Variants in ACTN4 observed in about 807,000 individuals in gnomAD.
The protein encoded by ACTN4 is actinin alpha 4.
In ACTN4, 18 loss-of-function variants were observed where a neutral mutation model predicts 114.2. The observed-to-expected ratio is 0.16, with a 90% CI of 0.11 to 0.23. ACTN4 has a LOEUF of 0.23. Among genes scored for constraint, ACTN4 ranks in the 10% least tolerant of loss-of-function variants. ACTN4 has a pLI of 1.00. For missense variants in ACTN4, 722 were observed against 1,262.9 expected (o/e 0.57, Z 6.49); for synonymous variants, 515 against 506.3 (o/e 1.02, Z -0.23).
intron 1 of ACTN4, among the ~76,000 whole-genome samples, chr19:38,679,387 A>G (rs1382653198): frequency 6.6e-6 from 1 of 151,696 alleles, no homozygotes; most frequent in African/African-American, 2.4e-5. Flanking sequence ...ACTCCCCTCA[A>G]CCTCTGCAAT....
intron 1 of ACTN4, among the ~76,000 whole-genome samples, chr19:38,664,185 C>G (rs1451262660): frequency 6.6e-6 from 1 of 152,208 alleles, no homozygotes; most frequent in Non-Finnish European, 1.5e-5. Flanking sequence ...TCCTGCCTGC[C>G]AAGCTACGCT....
chr19:38,667,653 T>C (rs376743279), intron 1 of ACTN4, among the ~76,000 whole-genome samples: 2 of 150,766 alleles, frequency 1.3e-5, no homozygotes, highest in East Asian at 3.9e-4. Context: ...CCCATTGTTA[T>C]GAAGTGTGGA....
intron 3 of ACTN4, 60 bp downstream of exon 3, chr19:38,701,181 CACA>C (rs1347235420): frequency 1.2e-6 from 2 of 1,609,394 alleles, no homozygotes; most frequent in African/African-American, 1.3e-5. Context: ...GGCTCTGAAG[CACA>C]ACATCTGCAT....
Position 38,718,485 on chromosome 19 carries a change from G to A in ACTN4, c.1291+411G>A, listed in dbSNP as rs567051533. Among the ~76,000 whole-genome samples the A allele has an allele frequency of 1.1e-4, 17 of 152,160 alleles. No homozygotes were observed. In the East Asian group the frequency reaches 2.7e-3, roughly 24 times the overall value. On this transcript the variant is annotated intron_variant, in intron 11 of 20. Coordinates refer to ENST00000252699, the MANE Select transcript of ACTN4 (RefSeq NM_004924.6). ...AGGGAGGTCAAGGCTGCAGTGAGCC[G>A]TGATTGTACCACTGCACTCCAGCCT...
intron 12 of ACTN4, among the ~76,000 whole-genome samples, chr19:38,723,051 C>T (rs1043379957): frequency 6.6e-6 from 1 of 152,200 alleles, no homozygotes; most frequent in African/African-American, 2.4e-5. Flanking sequence ...TTTATGTGTA[C>T]CAGCTCATTT....
intron 1 of ACTN4, among the ~76,000 whole-genome samples, chr19:38,682,255 G>T (rs1967600507): frequency 6.6e-6 from 1 of 152,160 alleles, no homozygotes; most frequent in Non-Finnish European, 1.5e-5. Context: ...GCCCAGGCTG[G>T]TCTCAAACTT....
chr19:38,728,351 G>T (rs1342282164), intron 19 of ACTN4: 1 of 1,439,846 alleles, frequency 6.9e-7, no homozygotes, highest in Non-Finnish European at 9.3e-7. Flanking sequence ...ATGACTTCAG[G>T]GCTCTGCTTA....
chr19:38,695,369 C>G (rs1443252919), intron 1 of ACTN4, among the ~76,000 whole-genome samples: 3 of 152,128 alleles, frequency 2.0e-5, no homozygotes, highest in Non-Finnish European at 4.4e-5. Context: ...CAGGAGAGCT[C>G]GATGCTTTTT....
chr19:38,728,748 G>A (rs1048787935), intron 19 of ACTN4, among the ~76,000 whole-genome samples: 1 of 152,226 alleles, frequency 6.6e-6, no homozygotes, highest in African/African-American at 2.4e-5. Context: ...GACCACGAGA[G>A]GGGAGGGTGC....
intron 1 of ACTN4, among the ~76,000 whole-genome samples, chr19:38,680,222 T>TG (rs1967517415): frequency 4.0e-5 from 1 of 24,726 alleles, no homozygotes; most frequent in Non-Finnish European, 2.0e-4. Flanking sequence ...GTTTTTTTTT[T>TG]TTTTTTTTTT....
chr19:38,675,638 A>G (rs1306188245), intron 1 of ACTN4, among the ~76,000 whole-genome samples: 2 of 152,208 alleles, frequency 1.3e-5, no homozygotes, highest in African/African-American at 4.8e-5. Context: ...GCCTCCACCT[A>G]TCAGGCTCAA....
At chr19:38,648,035 G>A (rs1976440389) in intron 1 of ACTN4, 128 bp downstream of exon 1, 2 of 1,186,168 alleles carry the variant, frequency 1.7e-6, no homozygotes, top group Non-Finnish European at 2.2e-6. Flanking sequence ...AGGAATTGGC[G>A]GGTCCGGGAA....
intron 12 of ACTN4, among the ~76,000 whole-genome samples, chr19:38,723,395 C>T (rs1969112921): frequency 6.6e-6 from 1 of 152,188 alleles, no homozygotes; most frequent in African/African-American, 2.4e-5. Context: ...TGGTTATCAC[C>T]TGTTAACCAG....
intron 8 of ACTN4, 47 bp from the exon 9 acceptor site, chr19:38,714,422 G>A: frequency 1.9e-6 from 3 of 1,580,962 alleles, no homozygotes; most frequent in South Asian, 2.2e-5. Context: ...CGTCAGGAGG[G>A]AGGGTGGCCA....
chr19:38,653,808 T>C (rs1294169410), intron 1 of ACTN4, among the ~76,000 whole-genome samples: 1 of 152,224 alleles, frequency 6.6e-6, no homozygotes, highest in Non-Finnish European at 1.5e-5. Context: ...AGGCAAGTGA[T>C]AGCAAGTGGG....
rs771091576 is a variant in ACTN4, at chr19:38,725,766, G to A, written c.2053G>A (p.Asp685Asn). Residue 685 changes from aspartate to asparagine, a missense_variant, in exon 17 of 21, where the codon GAC (aspartate) becomes AAC (asparagine). Physicochemically the swap from Asp to Asn is conservative, Grantham distance 23 (BLOSUM62 1). Coordinates refer to ENST00000252699, the MANE Select transcript of ACTN4 (RefSeq NM_004924.6). ...CATTGAGATGAACGGGACCCTGGAG[G>A]ACCAGCTGAGCCACCTGAAGCAGTA... ...ISIEMNGTLE[D>N]QLSHLKQYER... 1 of 1,614,134 alleles carries A rather than the reference G, an allele frequency of 6.2e-7. No homozygotes were observed. Among genetic ancestry groups the A allele is most frequent in the South Asian group, 1.1e-5 (1 of 91,088 alleles).
intron 1 of ACTN4, among the ~76,000 whole-genome samples, chr19:38,690,578 G>C (rs1265708522): frequency 6.6e-6 from 1 of 152,182 alleles, no homozygotes; most frequent in East Asian, 1.9e-4. Context: ...AGAACAAAAG[G>C]CTTGCTGCCA....
At chr19:38,706,263 G>A (rs537646804) in intron 5 of ACTN4, 132 bp downstream of exon 5, 4 of 939,944 alleles carry the variant, frequency 4.3e-6, no homozygotes, top group Admixed American at 2.0e-5. Context: ...CCCTGGCCAC[G>A]GGCCCTACAA....
In ACTN4 at chr19:38,728,455, C is replaced by A. The variant is rs1397602741; in HGVS notation, c.2418+429C>A. On this transcript the variant is annotated intron_variant, in intron 19 of 20. Transcript: ENST00000252699. ...TCCTCCTCCTCCTCCTCCTCCCCCC[C>A]ACCTCTCCCCCTCACCGCCTCCAGA... 4.8e-6 allele frequency: 5 copies of A among 1,040,846 alleles called. No individual in the cohort carries two copies. The African/African-American group carries it at 6.5e-5, about 14-fold the overall frequency. The allele number at this position is 1,040,846 out of a possible 1,614,324, so 64.5% of individuals were successfully genotyped here. A position where few individuals can be genotyped will look rare whatever the true frequency, so the allele number is the denominator to read the frequency against.
Sources: allele counts gnomAD v4.1 joint callset (sites outside exome capture counted in the v4.1 genomes callset), GRCh38; gene constraint gnomAD v4.1.1; transcripts MANE v1.5; gene names NCBI Gene and HGNC (gene_info 2026-07-23, HGNC 2026-07-21).